The following TENM3 variants were observed in gnomAD, a reference collection of about 807,000 sequenced individuals.
The protein encoded by TENM3 is teneurin transmembrane protein 3, also known as teneurin-3.
Under a neutral mutation model 255.1 loss-of-function variants are expected in TENM3, and 63 were observed. That is an observed-to-expected ratio of 0.25 (90% CI 0.20 to 0.30). TENM3 has a LOEUF of 0.30. Ranked by LOEUF, TENM3 falls within the 10% of genes least tolerant of loss-of-function variation. TENM3 has a pLI of 1.00. For synonymous variants in TENM3, 1,306 were observed against 1,322.3 expected, an observed-to-expected ratio of 0.99 and a Z score of 0.27; for missense variants, 2,929 against 3,461.1, an observed-to-expected ratio of 0.85 and a Z score of 3.86.
the TENM3 span, among the ~76,000 whole-genome samples, chr4:181,796,535 C>T: frequency 6.6e-6 from 1 of 152,108 alleles, no homozygotes; most frequent in Non-Finnish European, 1.5e-5. Flanking sequence ...GCACAGATGG[C>T]CAGGGTTATG....
At chr4:181,521,291 C>A in the TENM3 span, among the ~76,000 whole-genome samples, 8 of 152,198 alleles carry the variant, frequency 5.3e-5, no homozygotes, top group Non-Finnish European at 1.5e-5. Flanking sequence ...TGAGGTTCCT[C>A]GCTCTTTGTT....
At chr4:182,088,694 C>A in the TENM3 span, among the ~76,000 whole-genome samples, 2 of 151,878 alleles carry the variant, frequency 1.3e-5, no homozygotes, top group Non-Finnish European at 2.9e-5. Flanking sequence ...ATTCACTGGG[C>A]GTGGTGGCAA....
chr4:181,874,130 G>T, the TENM3 span, among the ~76,000 whole-genome samples: 2 of 152,072 alleles, frequency 1.3e-5, no homozygotes, highest in South Asian at 4.2e-4. Context: ...TGCTGGCCAG[G>T]CTGGTCTCAA....
the TENM3 span, among the ~76,000 whole-genome samples, chr4:181,993,777 T>C: frequency 0.2 from 30,766 of 152,074 alleles, 3,259 homozygotes; most frequent in Admixed American, 0.25. Flanking sequence ...TTTCTCACCC[T>C]GAACTCCTAT....
At chr4:181,627,844 A>G in the TENM3 span, among the ~76,000 whole-genome samples, 55 of 152,298 alleles carry the variant, frequency 3.6e-4, no homozygotes, top group African/African-American at 1.2e-3. Context: ...TCCTTTGGGT[A>G]TATGCCCAGT....
At chr4:181,787,678 T>C in the TENM3 span, among the ~76,000 whole-genome samples, 1 of 152,054 alleles carries the variant, frequency 6.6e-6, no homozygotes, top group African/African-American at 2.4e-5. Flanking sequence ...ATTCCAAATT[T>C]TAGACCGAGC....
the TENM3 span, among the ~76,000 whole-genome samples, chr4:181,504,137 C>T: frequency 4.1e-4 from 63 of 152,268 alleles, no homozygotes; most frequent in East Asian, 7.9e-3. Flanking sequence ...CTCGCTTTGT[C>T]CTTGTGGCCC....
the TENM3 span, among the ~76,000 whole-genome samples, chr4:181,711,727 A>T: frequency 1.3e-5 from 2 of 152,156 alleles, no homozygotes; most frequent in African/African-American, 4.8e-5. Context: ...TAAGTTTGTG[A>T]GCACAGACCT....
intron 3 of TENM3, among the ~76,000 whole-genome samples, chr4:182,353,081 C>A (rs2150716926): frequency 6.6e-6 from 1 of 152,280 alleles, no homozygotes; most frequent in Admixed American, 6.5e-5. Flanking sequence ...AATGCCACAT[C>A]TCTCCTAGAT....
rs77499839 is a variant in TENM3, at chr4:182,394,365, G to A, written c.511+47436G>A. ...GATCTTACGCAATTGAAATACATGC[G>A]CATACAGAAGCAAAAGTTACGAATT... On this transcript the variant is annotated intron_variant, in intron 3 of 27. Transcript: ENST00000511685. 5.5e-3 allele frequency among the ~76,000 whole-genome samples: 844 copies of A among 152,142 alleles called. 8 individuals carry two copies. Among genetic ancestry groups the A allele is most frequent in the African/African-American group, 0.019 (797 of 41,512 alleles).
In TENM3 at chr4:182,600,948, A is replaced by T; in HGVS notation, c.536A>T (p.Gln179Leu). ...ENEQPASNQG[Q>L]STLQPLPPSH... ...GAGCAACCTGCAAGCAATCAAGGCC[A>T]GTCTACCCTGCAGCCCTTGCCGCCT... Residue 179 changes from glutamine to leucine, a missense_variant, in exon 4 of 28, where the codon CAG becomes CTG. By Grantham distance (113) the Gln-to-Leu change is moderately radical (BLOSUM62 -2). Around this residue, in one of 6 missense-constraint regions of TENM3, gnomAD observed 283 missense variants for 256.9 expected, o/e 1.10. Coordinates refer to ENST00000511685, the MANE Select transcript of TENM3 (RefSeq NM_001080477.4). The T allele has an allele frequency of 7.1e-7, 1 of 1,415,134 alleles. No individual in the cohort carries two copies. Among genetic ancestry groups the T allele is most frequent in the Non-Finnish European group, 9.6e-7 (1 of 1,043,372 alleles). 87.7% of individuals were successfully genotyped at this position (1,415,134 alleles called of 1,614,324 possible).
the TENM3 span, among the ~76,000 whole-genome samples, chr4:181,503,618 G>A: frequency 2.0e-5 from 3 of 152,174 alleles, no homozygotes; most frequent in African/African-American, 7.2e-5. Flanking sequence ...CAAAGGGAGG[G>A]TGGAGTTCCC....
chr4:181,557,050 A>G, the TENM3 span, among the ~76,000 whole-genome samples: 1 of 152,180 alleles, frequency 6.6e-6, no homozygotes, highest in Non-Finnish European at 1.5e-5. Flanking sequence ...TAAAAAGTCC[A>G]CATTCTGGAC....
At chr4:181,872,462 C>T in the TENM3 span, among the ~76,000 whole-genome samples, 1 of 152,012 alleles carries the variant, frequency 6.6e-6, no homozygotes, top group African/African-American at 2.4e-5. Flanking sequence ...TCCTGATCCT[C>T]CCCCTCCTTC....
At chr4:181,862,767 G>T in the TENM3 span, among the ~76,000 whole-genome samples, 2 of 152,046 alleles carry the variant, frequency 1.3e-5, no homozygotes, top group East Asian at 3.9e-4. Flanking sequence ...TTATTTTGAT[G>T]ACTAGACTAT....
chr4:182,025,628 A>C, the TENM3 span, among the ~76,000 whole-genome samples: 141 of 152,300 alleles, frequency 9.3e-4, 2 homozygotes, highest in South Asian at 0.013. Flanking sequence ...GTACTAATTT[A>C]CATTCCCACC....
Position 182,206,527 on chromosome 4 carries a change from A to G in TENM3, c.-76+61773A>G, listed in dbSNP as rs114269935. On this transcript the variant is annotated intron_variant, in intron 1 of 2. Coordinates refer to the TENM3 transcript ENST00000512480. Reference sequence around the variant, plus strand: ...CGCCCTACCCGCTTACCTAACCCCTATGATTTGTTGAGAATCTGCTAGCTT... The same window carrying G: ...CGCCCTACCCGCTTACCTAACCCCTGTGATTTGTTGAGAATCTGCTAGCTT... 7.7e-3 allele frequency among the ~76,000 whole-genome samples: 1,170 copies of G among 152,212 alleles called. 15 individuals are homozygous for G. Among genetic ancestry groups the G allele is most frequent in the African/African-American group, 0.026 (1,066 of 41,524 alleles).
the TENM3 span, among the ~76,000 whole-genome samples, chr4:181,962,873 TG>T: frequency 6.6e-6 from 1 of 152,196 alleles, no homozygotes; most frequent in Admixed American, 6.5e-5. Context: ...ATTAAATAAA[TG>T]GTACGTAAAA....
At chr4:182,275,915 T>C (rs1004129937) in intron 1 of TENM3, among the ~76,000 whole-genome samples, 3 of 152,186 alleles carry the variant, frequency 2.0e-5, no homozygotes, top group Non-Finnish European at 4.4e-5. Flanking sequence ...CACTCCAGCC[T>C]GGCAACAGAG....
Sources: allele counts gnomAD v4.1 joint callset (sites outside exome capture counted in the v4.1 genomes callset), GRCh38; gene constraint gnomAD v4.1.1; regional missense constraint gnomAD v4.1.1; transcripts MANE v1.5; gene names NCBI Gene and HGNC (gene_info 2026-07-23, HGNC 2026-07-21).